Variants in NSMCE2 observed in about 807,000 individuals in gnomAD.
The protein encoded by NSMCE2 is E3 SUMO-protein ligase NSE2.
A neutral mutation model predicts 23.8 loss-of-function variants in NSMCE2; 24 were observed. The ratio of observed to expected loss-of-function variants is 1.01; its 90% confidence interval spans 0.73 to 1.42. The LOEUF is 1.42. Among genes scored for constraint, NSMCE2 ranks in the 40% most tolerant of loss-of-function variants. The pLI, the probability that NSMCE2 is intolerant of heterozygous loss-of-function variation, is 0.00. For synonymous variants in NSMCE2, 92 were observed against 94.1 expected, an observed-to-expected ratio of 0.98 and a Z score of 0.13; for missense variants, 284 against 296.5, an observed-to-expected ratio of 0.96 and a Z score of 0.31.
chr8:125,304,982 A>AGAGG (rs1410352712), intron 5 of NSMCE2, among the ~76,000 whole-genome samples: 2 of 150,886 alleles, frequency 1.3e-5, no homozygotes, highest in Non-Finnish European at 3.0e-5. Context: ...AGGAAAGGAA[A>AGAGG]GAGGGAGGGA....
chr8:125,256,922 C>CAAAAAAAAAAAAA (rs60308659), intron 5 of NSMCE2, among the ~76,000 whole-genome samples: 4 of 26,062 alleles, frequency 1.5e-4, no homozygotes, highest in Admixed American at 7.0e-4. Context: ...GACTCTGTGT[C>CAAAAAAAAAAAAA]AAAAAAAAAA....
At chr8:125,268,821 C>T (rs1423883636) in intron 5 of NSMCE2, among the ~76,000 whole-genome samples, 4 of 152,028 alleles carry the variant, frequency 2.6e-5, no homozygotes, top group South Asian at 2.1e-4. Context: ...CCAGCAGTGC[C>T]AGAGCCTGCA....
intron 5 of NSMCE2, among the ~76,000 whole-genome samples, chr8:125,295,831 C>T (rs1828300600): frequency 6.6e-6 from 1 of 152,134 alleles, no homozygotes; most frequent in Non-Finnish European, 1.5e-5. Flanking sequence ...CTAATGAATT[C>T]TGTTTTGAGC....
At chr8:125,302,275 C>T (rs1347609947) in intron 5 of NSMCE2, among the ~76,000 whole-genome samples, 7 of 152,314 alleles carry the variant, frequency 4.6e-5, no homozygotes, top group Middle Eastern at 3.4e-3. Context: ...TTTTTTAACA[C>T]ATATTTATTG....
chr8:125,151,050 A>G (rs1820991251), intron 3 of NSMCE2, 121 bp from the exon 4 acceptor site: 2 of 464,536 alleles, frequency 4.3e-6, no homozygotes, highest in Non-Finnish European at 7.7e-6. Flanking sequence ...TTTTTTAAAA[A>G]GATGTAATAG....
intron 5 of NSMCE2, among the ~76,000 whole-genome samples, chr8:125,267,345 T>G (rs770504939): frequency 6.6e-6 from 1 of 152,164 alleles, no homozygotes; most frequent in African/African-American, 2.4e-5. Flanking sequence ...CTTTATTGGT[T>G]TACTTTAGTG....
At chr8:125,112,752 G>A (rs1818827230) in intron 3 of NSMCE2, among the ~76,000 whole-genome samples, 1 of 152,060 alleles carries the variant, frequency 6.6e-6, no homozygotes, top group African/African-American at 2.4e-5. Context: ...GGGAAGGGTG[G>A]GAGGACTGGG....
intron 5 of NSMCE2, among the ~76,000 whole-genome samples, chr8:125,268,227 C>T (rs1232229352): frequency 1.3e-5 from 2 of 151,444 alleles, no homozygotes; most frequent in Admixed American, 1.3e-4. Context: ...AAGCAAGATG[C>T]TGTCTCAAGG....
At chr8:125,154,915 A>G (rs929777340) in intron 4 of NSMCE2, among the ~76,000 whole-genome samples, 1 of 152,234 alleles carries the variant, frequency 6.6e-6, no homozygotes, top group Non-Finnish European at 1.5e-5. Flanking sequence ...AGTACATTGA[A>G]GAGACACTAT....
At chr8:125,279,540 C>T (rs975428941) in intron 5 of NSMCE2, among the ~76,000 whole-genome samples, 4 of 152,120 alleles carry the variant, frequency 2.6e-5, no homozygotes, top group Admixed American at 6.5e-5. Context: ...AACTTTGTGT[C>T]GGATATAATG....
intron 5 of NSMCE2, among the ~76,000 whole-genome samples, chr8:125,340,027 T>TG (rs1172438018): frequency 4.8e-5 from 7 of 145,964 alleles, no homozygotes. Context: ...TTTTTTTTTT[T>TG]TTTTTGAGAC....
intron 5 of NSMCE2, among the ~76,000 whole-genome samples, chr8:125,227,179 G>A (rs536765836): frequency 6.6e-6 from 1 of 152,182 alleles, no homozygotes; most frequent in South Asian, 2.1e-4. Context: ...CCTCAAATTG[G>A]GGGGCAGCCT....
At chr8:125,237,270 T>G (rs903954332) in intron 5 of NSMCE2, among the ~76,000 whole-genome samples, 9 of 152,176 alleles carry the variant, frequency 5.9e-5, no homozygotes, top group African/African-American at 2.2e-4. Context: ...ACATAAAGAC[T>G]CTTTGGGGAG....
chr8:125,321,853 G>T (rs1347020049), intron 5 of NSMCE2, among the ~76,000 whole-genome samples: 1 of 152,036 alleles, frequency 6.6e-6, no homozygotes, highest in African/African-American at 2.4e-5. Context: ...TGTTGTTGTT[G>T]TTTTTGTTAT....
intron 5 of NSMCE2, among the ~76,000 whole-genome samples, chr8:125,196,104 G>A (rs1252413010): frequency 6.6e-6 from 1 of 151,140 alleles, no homozygotes. Context: ...TCCTGGTCTC[G>A]ACCTCCTGAC....
chr8:125,317,819 A>C (rs1054743115), intron 5 of NSMCE2, among the ~76,000 whole-genome samples: 9 of 152,360 alleles, frequency 5.9e-5, no homozygotes, highest in African/African-American at 1.7e-4. Context: ...AAAGATTGAT[A>C]ATTTGAACTA....
chr8:125,320,304 GGAAGGGAAGGGAA>G (rs2131266427), intron 5 of NSMCE2, among the ~76,000 whole-genome samples: 2 of 119,592 alleles, frequency 1.7e-5, no homozygotes, highest in African/African-American at 3.1e-5. Context: ...AAGGAAGGAA[GGAAGGGAAGGGAA>G]GGAAGGGAAG....
intron 5 of NSMCE2, among the ~76,000 whole-genome samples, chr8:125,185,904 G>A (rs1823073999): frequency 6.6e-6 from 1 of 152,034 alleles, no homozygotes; most frequent in Non-Finnish European, 1.5e-5. Flanking sequence ...TCTGCATTTG[G>A]TCTATTTTGT....
intron 3 of NSMCE2, among the ~76,000 whole-genome samples, chr8:125,141,427 T>C (rs1272067136): frequency 6.6e-6 from 1 of 152,206 alleles, no homozygotes; most frequent in Admixed American, 6.5e-5. Flanking sequence ...ACTTTGTCAG[T>C]CTTGAGGTCA....
Sources: allele counts gnomAD v4.1 joint callset (sites outside exome capture counted in the v4.1 genomes callset), GRCh38; gene constraint gnomAD v4.1.1; transcripts MANE v1.5; gene names NCBI Gene and HGNC (gene_info 2026-07-23, HGNC 2026-07-21).